IDE: variants seen among roughly 807,000 people sequenced by gnomAD.
IDE encodes the protein insulin degrading enzyme, also known as insulin-degrading enzyme.
Under a neutral mutation model 133.2 loss-of-function variants are expected in IDE, and 58 were observed. The observed-to-expected ratio is 0.44, with a 90% CI of 0.35 to 0.54. The LOEUF is 0.54. Ranked by LOEUF, IDE falls within the 20% of genes least tolerant of loss-of-function variation. The pLI, the probability that IDE is intolerant of heterozygous loss-of-function variation, is 0.00. For synonymous variants in IDE, 396 were observed against 421.3 expected, an observed-to-expected ratio of 0.94 and a Z score of 0.73; for missense variants, 981 against 1,234.0, an observed-to-expected ratio of 0.79 and a Z score of 3.07.
At chr10:92,566,796 A>AC (rs891029442) in intron 1 of IDE, among the ~76,000 whole-genome samples, 1 of 151,982 alleles carries the variant, frequency 6.6e-6, no homozygotes, top group Non-Finnish European at 1.5e-5. Flanking sequence ...GGGGATGACT[A>AC]CCCCCCACCC....
At chr10:92,491,463 G>T (rs990862817) in intron 11 of IDE, among the ~76,000 whole-genome samples, 2 of 151,956 alleles carry the variant, frequency 1.3e-5, no homozygotes, top group Non-Finnish European at 2.9e-5. Context: ...AAATACACAG[G>T]CCTTCCTGCT....
intron 1 of IDE, among the ~76,000 whole-genome samples, chr10:92,552,128 A>G (rs1281873920): frequency 6.6e-6 from 1 of 152,242 alleles, no homozygotes; most frequent in African/African-American, 2.4e-5. Context: ...ACATTGAAGG[A>G]GTGTAAAAGA....
In IDE at chr10:92,536,429, T is replaced by C. The variant is rs1301370263; in HGVS notation, c.283+937A>G. Reference sequence around the variant, plus strand: ...AATGTGCACACAAGGCTGGGAGCAGTGGCTCACGCCTGTAATCCCTGCACT... The same window carrying C: ...AATGTGCACACAAGGCTGGGAGCAGCGGCTCACGCCTGTAATCCCTGCACT... On this transcript the variant is annotated intron_variant, in intron 2 of 24. Coordinates refer to ENST00000265986, the MANE Select transcript of IDE (RefSeq NM_004969.4). 3.4e-5 allele frequency among the ~76,000 whole-genome samples: 5 copies of C among 147,192 alleles called. No individual in the cohort carries two copies. The South Asian group carries it at 6.4e-4, about 19-fold the overall frequency.
At chr10:92,568,781 A>G (rs994322657) in intron 1 of IDE, among the ~76,000 whole-genome samples, 5 of 151,958 alleles carry the variant, frequency 3.3e-5, no homozygotes, top group African/African-American at 7.3e-5. Flanking sequence ...GCGCCACTGT[A>G]CTCTAGCCTG....
chr10:92,519,577 T>C (rs1339418866), intron 4 of IDE, among the ~76,000 whole-genome samples: 4 of 152,184 alleles, frequency 2.6e-5, no homozygotes, highest in Non-Finnish European at 5.9e-5. Flanking sequence ...TTAAGCAACC[T>C]TGGAAAAGTC....
chr10:92,476,022 G>A (rs753309605), intron 15 of IDE, 28 bp from the exon 16 acceptor site: 1 of 930,482 alleles, frequency 1.1e-6, no homozygotes, highest in Non-Finnish European at 1.7e-6. Context: ...GGTATTAAAA[G>A]TCTAAAAATA....
rs762289249 is a variant in IDE at position 92,456,406 on chromosome 10, C to T, written c.2849G>A (p.Arg950Lys). The T allele has an allele frequency of 1.9e-6, 3 of 1,613,774 alleles. No homozygotes were observed. Among genetic ancestry groups the T allele is most frequent in the Non-Finnish European group, 2.5e-6 (3 of 1,179,656 alleles). The change falls in exon 23 of 25, where the codon AGG becomes AAG. Residue 950 changes from arginine to lysine, a missense_variant. Arg to Lys is a conservative substitution (Grantham distance 26, BLOSUM62 2). Transcript: ENST00000265986. ...YKEMLAVDAP[R>K]RHKVSVHVLA... Reference sequence around the variant, plus strand: ...AACATGGACGGATACCTTATGTCTCCTTGGAGCATCTACTGCCAACATTTC... The same window carrying T: ...AACATGGACGGATACCTTATGTCTCTTTGGAGCATCTACTGCCAACATTTC...
intron 1 of IDE, among the ~76,000 whole-genome samples, chr10:92,568,264 C>G (rs35616984): frequency 0.16 from 25,055 of 152,024 alleles, 2,425 homozygotes; most frequent in Middle Eastern, 0.21. Context: ...ATAGATTAGG[C>G]CTATCTTACA....
intron 9 of IDE, 135 bp from the exon 10 acceptor site, chr10:92,506,657 C>A: frequency 2.1e-6 from 1 of 475,258 alleles, no homozygotes; most frequent in Non-Finnish European, 3.7e-6. Context: ...GAAAAAATGG[C>A]TATGCTTGAT....
intron 1 of IDE, chr10:92,554,987 A>T (rs1279869752): frequency 6.6e-6 from 1 of 152,228 alleles, no homozygotes; most frequent in Non-Finnish European, 1.5e-5. Flanking sequence ...TTCACGGTAA[A>T]AACTCTCAAC....
intron 1 of IDE, among the ~76,000 whole-genome samples, chr10:92,564,488 A>G (rs968072250): frequency 6.6e-6 from 1 of 151,904 alleles, no homozygotes; most frequent in African/African-American, 2.4e-5. Context: ...CCTGGCCAAC[A>G]TGACGAAACC....
At chr10:92,524,449 ATATATTATATATT>A (rs1849468294) in intron 4 of IDE, among the ~76,000 whole-genome samples, 1 of 27,522 alleles carries the variant, frequency 3.6e-5, no homozygotes, top group Non-Finnish European at 6.3e-5. Context: ...AATATATTTT[ATATATTATATATT>A]TTATATAATA....
chr10:92,537,853 T>G (rs534970459), intron 1 of IDE, among the ~76,000 whole-genome samples: 2 of 152,054 alleles, frequency 1.3e-5, no homozygotes, highest in African/African-American at 4.8e-5. Context: ...AGAATAGAGT[T>G]TTTTTTGCTG....
intron 4 of IDE, among the ~76,000 whole-genome samples, chr10:92,519,225 A>T (rs1481803865): frequency 6.6e-6 from 1 of 152,178 alleles, no homozygotes; most frequent in Non-Finnish European, 1.5e-5. Context: ...AGCTGAGTAA[A>T]TGGTCCAGAT....
intron 1 of IDE, among the ~76,000 whole-genome samples, chr10:92,550,074 A>G (rs1273676378): frequency 6.6e-6 from 1 of 152,168 alleles, no homozygotes; most frequent in African/African-American, 2.4e-5. Flanking sequence ...AGGCTGAGGC[A>G]GGAGAATCTC....
intron 1 of IDE, among the ~76,000 whole-genome samples, chr10:92,573,386 C>G (rs1395088270): frequency 1.3e-5 from 2 of 152,236 alleles, no homozygotes; most frequent in Non-Finnish European, 2.9e-5. Context: ...CACTCGTCTT[C>G]CAAGGCGGGA....
chr10:92,513,601 T>C (rs1237432341), intron 5 of IDE, among the ~76,000 whole-genome samples: 5 of 151,268 alleles, frequency 3.3e-5, no homozygotes, highest in African/African-American at 1.2e-4. Context: ...TTTTGTTTTC[T>C]CTTTAATATA....
intron 1 of IDE, among the ~76,000 whole-genome samples, chr10:92,563,465 A>AG (rs922615124): frequency 1.3e-5 from 2 of 151,898 alleles, no homozygotes; most frequent in Admixed American, 1.3e-4. Context: ...AAGAAAAAAA[A>AG]AAAAAGGCTG....
At chr10:92,520,656 A>T (rs1849174491) in intron 4 of IDE, among the ~76,000 whole-genome samples, 1 of 152,256 alleles carries the variant, frequency 6.6e-6, no homozygotes, top group Admixed American at 6.5e-5. Context: ...GAGAGACTAA[A>T]GCCTTTTGAT....
Sources: allele counts gnomAD v4.1 joint callset (sites outside exome capture counted in the v4.1 genomes callset), GRCh38; gene constraint gnomAD v4.1.1; transcripts MANE v1.5; gene names NCBI Gene and HGNC (gene_info 2026-07-23, HGNC 2026-07-21).